Variants in ZNF750 observed in about 807,000 individuals in gnomAD.
ZNF750 encodes the protein protein ZNF750.
A neutral mutation model predicts 31.6 loss-of-function variants in ZNF750; 10 were observed. The ratio of observed to expected loss-of-function variants is 0.32; its 90% CI spans 0.19 to 0.54. The LOEUF (loss-of-function observed/expected upper bound fraction) is 0.54. Among genes scored for constraint, ZNF750 ranks in the 20% least tolerant of loss-of-function variants. ZNF750 has a pLI of 0.95. For missense variants in ZNF750, 914 were observed against 934.9 expected, an observed-to-expected ratio of 0.98 and a Z score of 0.29; for synonymous variants, 400 against 404.9, an observed-to-expected ratio of 0.99 and a Z score of 0.15.
rs747984483 is a variant in ZNF750, at chr17:82,829,686, T to C, written c.*456A>G. The stretch of plus-strand genomic sequence containing the variant: ...TTGATGTTTGTGTGTTATTTAGTTA[T>C]ACAAATCACATTTTTCTTTTTTACA... On this transcript the variant is annotated 3_prime_UTR_variant, in exon 3 of 3. Transcript: ENST00000269394. The C allele has an allele frequency of 8.0e-4, 142 of 176,776 alleles. 1 individual carries two copies. Among genetic ancestry groups the C allele is most frequent in the Non-Finnish European group, 1.4e-3 (112 of 81,474 alleles). The allele number at this position is 176,776 out of a possible 1,614,324, so 11.0% of individuals were successfully genotyped here.
intron 1 of ZNF750, among the ~76,000 whole-genome samples, chr17:82,834,065 C>G (rs1316794996): frequency 6.6e-6 from 1 of 152,216 alleles, no homozygotes; most frequent in African/African-American, 2.4e-5. Flanking sequence ...CTGCCTCAGC[C>G]TCCCGAGTAG....
At chr17:82,838,102 A>C (rs1394690532) in intron 1 of ZNF750, among the ~76,000 whole-genome samples, 2 of 152,252 alleles carry the variant, frequency 1.3e-5, no homozygotes, top group African/African-American at 4.8e-5. Context: ...CTCAACGTGC[A>C]CTGGGCCGGG....
At chr17:82,838,044 C>G (rs2054134635) in intron 1 of ZNF750, among the ~76,000 whole-genome samples, 1 of 152,248 alleles carries the variant, frequency 6.6e-6, no homozygotes, top group Non-Finnish European at 1.5e-5. Context: ...AGCCGATGCA[C>G]TTGGCTTCTG....
rs1445099309 is a variant in ZNF750 at position 82,830,787 on chromosome 17, G to A, written c.1527C>T (p.Ser509=). 1 of 1,613,674 alleles carries A rather than the reference G, an allele frequency of 6.2e-7. No individual in the cohort carries two copies. Among genetic ancestry groups the A allele is most frequent in the South Asian group, 1.1e-5 (1 of 91,074 alleles). The stretch of plus-strand genomic sequence containing the variant: ...TGGAGAGGTTGAGGGGGCCCATCCC[G>A]GAGCTGTCGTCCGGACTGGAAGGCG... ...EAAPSSPDDS[S]GMGPLNLSKK... Residue 509 remains serine (S), a synonymous_variant, in exon 3 of 3, where the codon TCC becomes TCT. Coordinates refer to ENST00000269394, the MANE Select transcript of ZNF750 (RefSeq NM_024702.3).
rs750779567 is a variant in ZNF750 at position 82,831,223 on chromosome 17, G to T, written c.1232C>A (p.Ser411Tyr). Residue 411 changes from serine (S) to tyrosine (Y), a missense_variant, in exon 2 of 3, where the codon TCC (serine) becomes TAC (tyrosine). Ser to Tyr is a moderately radical substitution (Grantham distance 144). Transcript: ENST00000269394. This position sits in a 1 kb window ranked among gnomAD's most constrained non-coding sequence, Gnocchi z 4.6. ...SPRAGSAATG[S>Y]PGRPSPTDFM... Reference sequence around the variant, plus strand: ...GTCGGTGGGGCTCGGCCTCCCTGGGGAGCCCGTGGCTGCACTCCCTGCGCG... The same window carrying T: ...GTCGGTGGGGCTCGGCCTCCCTGGGTAGCCCGTGGCTGCACTCCCTGCGCG... The T allele has an allele frequency of 1.2e-6, 2 of 1,613,934 alleles. No individual in the cohort carries two copies. The highest frequency in any genetic ancestry group is 8.5e-7 in the Non-Finnish European group (1 of 1,180,058).
chr17:82,839,585 CTT>C (rs1485071721), intron 1 of ZNF750, among the ~76,000 whole-genome samples: 1 of 152,200 alleles, frequency 6.6e-6, no homozygotes, highest in Admixed American at 6.5e-5. Flanking sequence ...ACCCTTACCT[CTT>C]GTTAGCATTT....
Position 82,831,344 on chromosome 17 carries a change from TG to T in ZNF750, c.1110del (p.Asn371ThrfsTer30). The T allele has an allele frequency of 6.2e-7, 1 of 1,614,050 alleles. No individual in the cohort carries two copies. On this transcript the variant is annotated frameshift_variant, in exon 2 of 3. Transcript: ENST00000269394. LOFTEE classifies it high-confidence loss of function. The surrounding 1 kb of genome is among the most constrained non-coding windows in gnomAD (Gnocchi z 4.6). ...SSPSRLNPSD[P>X]NRKHVEFESP... The stretch of plus-strand genomic sequence containing the variant: ...CTTTCGAACTCGACGTGTTTTCTGT[TG>T]GGGTCCGAAGGGTTTAACCTGGAAG...
intron 1 of ZNF750, chr17:82,838,767 A>G: frequency 1.0e-6 from 1 of 985,464 alleles, no homozygotes; most frequent in South Asian, 4.7e-5. Context: ...GGAAGAATGG[A>G]TCCAGAAAAA....
intron 1 of ZNF750, among the ~76,000 whole-genome samples, chr17:82,836,695 AAAACAAAAC>A (rs375900728): frequency 0.012 from 1,786 of 148,890 alleles, 36 homozygotes; most frequent in African/African-American, 0.043. Context: ...GGCAAAAAAA[AAAACAAAAC>A]AAAACAAAAC....
In ZNF750 at chr17:82,830,262, G is replaced by C; in HGVS notation, c.2052C>G (p.Pro684=). 3 of 1,614,224 alleles carry C rather than the reference G, an allele frequency of 1.9e-6. No homozygotes were observed. Among genetic ancestry groups the C allele is most frequent in the Non-Finnish European group, 2.5e-6 (3 of 1,180,052 alleles). ...TTAGACTTGTCCTCTTTTGTCCTTT[G>C]GGTCTGAGGTCACACTGGGCCTCTT... is the stretch of plus-strand genomic sequence containing the variant. ...ESQEAQCDLR[P]KGQKRTSLRD... is the part of the protein sequence containing the mutation. The change falls in exon 3 of 3, where the codon CCC becomes CCG. Residue 684 remains proline, a synonymous_variant. Transcript: ENST00000269394.
In ZNF750 at chr17:82,835,978, C is replaced by T. The variant is rs558662973; in HGVS notation, c.-182-3342G>A. ...CGGGTGACACCCTGGGCTCAGACCC[C>T]GCGCTCAGCACCCGTCTCCCACCGT... On this transcript the variant is annotated intron_variant, in intron 1 of 2. Transcript: ENST00000269394. The surrounding 1 kb of genome is among the most constrained non-coding windows in gnomAD (Gnocchi z 4.5). 2.0e-5 allele frequency among the ~76,000 whole-genome samples: 3 copies of T among 152,166 alleles called. No homozygotes were observed. The highest frequency in any genetic ancestry group is 2.1e-4 in the South Asian group (1 of 4,832).
chr17:82,830,277 C>G lies in ZNF750; in HGVS notation c.2037G>C (p.Gln679His), dbSNP rs940186709. Reference protein sequence around the residue: ...TLSSMESQEAQCDLRPKGQKR... With the variant: ...TLSSMESQEAHCDLRPKGQKR... ...TTTGTCCTTTGGGTCTGAGGTCACA[C>G]TGGGCCTCTTGGCTCTCCATGGAGC... The change falls in exon 3 of 3, where the codon CAG (glutamine) becomes CAC (histidine). Residue 679 changes from glutamine to histidine, a missense_variant. Gln to His is a conservative substitution (Grantham distance 24). Around this residue, in one of 2 missense-constraint regions of ZNF750, gnomAD observed 880 missense variants for 868.9 expected, o/e 1.01. Transcript: ENST00000269394. The G allele has an allele frequency of 1.2e-6, 2 of 1,614,144 alleles. No homozygotes were observed. Among genetic ancestry groups the G allele is most frequent in the Admixed American group, 1.7e-5 (1 of 60,012 alleles).
chr17:82,831,499 T>C lies in ZNF750; in HGVS notation c.956A>G (p.Tyr319Cys), dbSNP rs1258987280. ...QQYPSNLPIP[Y>C]GFYRPESAFS... ...TGCAGACTCTGGCCTGTAAAATCCG[T>C]AAGGAATCGGCAGGTTAGAGGGATA... The change falls in exon 2 of 3, where the codon TAC (tyrosine) becomes TGC (cysteine). Residue 319 changes from tyrosine (Y) to cysteine (C), a missense_variant. Physicochemically the swap from Tyr to Cys is radical, Grantham distance 194. This residue lies in a region of ZNF750 where 880 missense variants were observed against 868.9 expected (regional missense o/e 1.01). Transcript: ENST00000269394. The surrounding 1 kb of genome is among the most constrained non-coding windows in gnomAD (Gnocchi z 4.6). The C allele has an allele frequency of 3.1e-6, 5 of 1,614,048 alleles. No individual in the cohort carries two copies. Among genetic ancestry groups the C allele is most frequent in the Non-Finnish European group, 3.4e-6 (4 of 1,180,008 alleles).
chr17:82,830,452 G>A lies in ZNF750; in HGVS notation c.1862C>T (p.Ala621Val). The A allele has an allele frequency of 6.2e-7, 1 of 1,612,474 alleles. No individual in the cohort carries two copies. Among genetic ancestry groups the A allele is most frequent in the Non-Finnish European group, 8.5e-7 (1 of 1,179,800 alleles). Residue 621 changes from alanine (A) to valine (V), a missense_variant, in exon 3 of 3, where the codon GCA becomes GTA. Ala to Val is a moderately conservative substitution (Grantham distance 64, BLOSUM62 0). Around this residue, in one of 2 missense-constraint regions of ZNF750, gnomAD observed 880 missense variants for 868.9 expected, o/e 1.01. Coordinates refer to ENST00000269394, the MANE Select transcript of ZNF750 (RefSeq NM_024702.3). ...PTGPGEEAPD[A>V]CAVDSSEEQK... is the part of the protein sequence containing the mutation. ...CTCCTCGCTGCTGTCCACCGCGCAT[G>A]CGTCTGGAGCCTCCTCGCCGGGGCC...
At chr17:82,838,860 C>T (rs1002764059) in intron 1 of ZNF750, 15 of 985,326 alleles carry the variant, frequency 1.5e-5, no homozygotes, top group Non-Finnish European at 2.4e-6. Flanking sequence ...CACCACTTTA[C>T]AGTCGCCGCC....
In ZNF750 at chr17:82,831,991, C is replaced by T. The variant is rs936983261; in HGVS notation, c.464G>A (p.Gly155Asp). 13 of 1,612,784 alleles carry T rather than the reference C, an allele frequency of 8.1e-6. No individual in the cohort carries two copies. The highest frequency in any genetic ancestry group is 1.0e-5 in the Non-Finnish European group (12 of 1,179,078). ...AACAAATGCAGAAGGCCGAGCTGCG[C>T]CTTCCAGAGCAGGCTGGGCACCGAG... ...AALGAQPALE[G>D]AARPSAFVPV... The change falls in exon 2 of 3, where the codon GGC becomes GAC. Residue 155 changes from glycine (G) to aspartate (D), a missense_variant. Gly to Asp is a moderately conservative substitution (Grantham distance 94). Around this residue, in one of 2 missense-constraint regions of ZNF750, gnomAD observed 880 missense variants for 868.9 expected, o/e 1.01. Transcript: ENST00000269394. This position sits in a 1 kb window ranked among gnomAD's most constrained non-coding sequence, Gnocchi z 4.6.
At position 82,831,026 on chromosome 17, in the gene ZNF750, G is replaced by A; in HGVS notation, c.1429C>T (p.Pro477Ser). The stretch of plus-strand genomic sequence containing the variant: ...AAAATGACATTTTCTTACCTTACTG[G>A]AGACTCTGCTGTGGTCTCAGCAGCC... ...AQAAETTAES[P>S]VSLNVVNGDP... is the part of the protein sequence containing the mutation. The change falls in exon 2 of 3, where the codon CCA (proline) becomes TCA (serine). Residue 477 changes from proline to serine, a missense_variant. Pro to Ser is a moderately conservative substitution (Grantham distance 74). This residue lies in a region of ZNF750 where 880 missense variants were observed against 868.9 expected (regional missense o/e 1.01). Coordinates refer to ENST00000269394, the MANE Select transcript of ZNF750 (RefSeq NM_024702.3). The surrounding 1 kb of genome is among the most constrained non-coding windows in gnomAD (Gnocchi z 4.6). 6.2e-7 allele frequency: 1 copy of A among 1,614,166 alleles called. No homozygotes were observed. Among genetic ancestry groups the A allele is most frequent in the African/African-American group, 1.3e-5 (1 of 75,060 alleles).
Position 82,830,452 on chromosome 17 carries a change from GCGTCTGGAGCCTCCTCGC to G in ZNF750, c.1844_1861del (p.Gly615_Asp620del), listed in dbSNP as rs1200556012. Reference sequence around the variant, plus strand: ...CTCCTCGCTGCTGTCCACCGCGCATGCGTCTGGAGCCTCCTCGCCGGGGCCTGTGGGTGGGGCCCCGTC... The same window carrying G: ...CTCCTCGCTGCTGTCCACCGCGCATGCGGGGCCTGTGGGTGGGGCCCCGTC... On this transcript the variant is annotated inframe_deletion, in exon 3 of 3. Coordinates refer to ENST00000269394, the MANE Select transcript of ZNF750 (RefSeq NM_024702.3). 6.2e-7 allele frequency: 1 copy of G among 1,612,474 alleles called. No homozygotes were observed. Among genetic ancestry groups the G allele is most frequent in the Admixed American group, 1.7e-5 (1 of 60,004 alleles).
chr17:82,834,251 A>T (rs904845884), intron 1 of ZNF750, among the ~76,000 whole-genome samples: 1 of 152,180 alleles, frequency 6.6e-6, no homozygotes, highest in Non-Finnish European at 1.5e-5. Context: ...CCCGTCCCAG[A>T]ACAAAGGCTT....
Sources: allele counts gnomAD v4.1 joint callset (sites outside exome capture counted in the v4.1 genomes callset), GRCh38; gene constraint gnomAD v4.1.1; regional missense constraint gnomAD v4.1.1; non-coding constraint Gnocchi (gnomAD v3.1); transcripts MANE v1.5; gene names NCBI Gene and HGNC (gene_info 2026-07-23, HGNC 2026-07-21).